The following PCDHGB4 variants were observed in gnomAD, a reference collection of about 807,000 sequenced individuals.
PCDHGB4 encodes the protein protocadherin gamma-B4.
In PCDHGB4, 38 loss-of-function variants were observed where a neutral mutation model predicts 60.5. The observed-to-expected ratio is 0.63, with a 90% CI of 0.48 to 0.82. The LOEUF (loss-of-function observed/expected upper bound fraction) is 0.82, where lower values mean the gene tolerates loss of function less well. Ranked by LOEUF, PCDHGB4 falls within the 40% of genes least tolerant of loss-of-function variation. The pLI, the probability that PCDHGB4 is intolerant of heterozygous loss-of-function variation, is 0.00. For missense variants in PCDHGB4, 1,109 were observed against 1,209.6 expected (o/e 0.92, Z 1.23); for synonymous variants, 456 against 509.7 (o/e 0.89, Z 1.42).
chr5:141,436,590 C>T (rs1050788291), intron 1 of PCDHGB4, among the ~76,000 whole-genome samples: 10 of 152,102 alleles, frequency 6.6e-5, no homozygotes, highest in East Asian at 1.9e-4. Context: ...TTTGAAAGGT[C>T]GTGGTGATGG....
At chr5:141,397,960 A>C in intron 1 of PCDHGB4, 2 of 1,021,904 alleles carry the variant, frequency 2.0e-6, no homozygotes, top group East Asian at 2.6e-5. Context: ...GCCCCAGCTC[A>C]GACTCCCCAG....
At chr5:141,429,845 T>C (rs888160645) in intron 1 of PCDHGB4, among the ~76,000 whole-genome samples, 4 of 152,222 alleles carry the variant, frequency 2.6e-5, no homozygotes, top group Non-Finnish European at 1.5e-5. Context: ...GGTAAGTCTG[T>C]AACATTCTTT....
At position 141,489,590 on chromosome 5, in the gene PCDHGB4, T is replaced by C; in HGVS notation, c.2398-5217T>C. The C allele has an allele frequency of 6.2e-7, 1 of 1,614,044 alleles. No homozygotes were observed. Among genetic ancestry groups the C allele is most frequent in the Non-Finnish European group, 8.5e-7 (1 of 1,179,984 alleles). ...GTGACTGAACACCCCCTGGAGCTAA[T>C]CCGTGTAGAGGTAGAGATCCTGGAT... On this transcript the variant is annotated intron_variant, in intron 1 of 3. Transcript: ENST00000519479. The surrounding 1 kb of genome is among the most constrained non-coding windows in gnomAD (Gnocchi z 4.5).
intron 1 of PCDHGB4, chr5:141,412,213 C>T (rs1467971455): frequency 6.6e-6 from 1 of 152,224 alleles, no homozygotes; most frequent in Non-Finnish European, 1.5e-5. Context: ...TTGACATAAA[C>T]ACTTACTTGT....
At chr5:141,423,495 C>T in intron 1 of PCDHGB4, 1 of 1,613,946 alleles carries the variant, frequency 6.2e-7, no homozygotes, top group African/African-American at 1.3e-5. Context: ...CCTATTCCCA[C>T]GAGGTCTCTC....
chr5:141,470,680 T>C (rs1212361233), intron 1 of PCDHGB4, among the ~76,000 whole-genome samples: 1 of 152,090 alleles, frequency 6.6e-6, no homozygotes, highest in Non-Finnish European at 1.5e-5. Context: ...GCTGTTACCA[T>C]CTTGAAATTC....
In PCDHGB4 at chr5:141,431,221, A is replaced by T; in HGVS notation, c.2397+40940A>T. 6.2e-7 allele frequency: 1 copy of T among 1,614,124 alleles called. No homozygotes were observed. The highest frequency in any genetic ancestry group is 8.5e-7 in the Non-Finnish European group (1 of 1,180,026). On this transcript the variant is annotated intron_variant, in intron 1 of 3. Transcript: ENST00000519479. The surrounding 1 kb of genome is among the most constrained non-coding windows in gnomAD (Gnocchi z 4.8). Reference sequence around the variant, plus strand: ...CAGCCACTGAGATGCGGTTCCCTCTACCCCACGCCTGGGATCCGGATATCG... The same window carrying T: ...CAGCCACTGAGATGCGGTTCCCTCTTCCCCACGCCTGGGATCCGGATATCG...
chr5:141,415,007 G>C, intron 1 of PCDHGB4: 1 of 1,613,654 alleles, frequency 6.2e-7, no homozygotes, highest in Non-Finnish European at 8.5e-7. Context: ...CTGTCCTACC[G>C]TCTGCTCAAG....
chr5:141,419,075 A>G, intron 1 of PCDHGB4: 1 of 1,613,968 alleles, frequency 6.2e-7, no homozygotes, highest in Non-Finnish European at 8.5e-7. Context: ...CAAGCTAGTA[A>G]CAGATGAGGC....
At chr5:141,395,992 T>G (rs915228194) in intron 1 of PCDHGB4, 3 of 152,184 alleles carry the variant, frequency 2.0e-5, no homozygotes, top group African/African-American at 7.2e-5. Context: ...TAAAATGTAA[T>G]TTTAAACTGT....
intron 3 of PCDHGB4, among the ~76,000 whole-genome samples, chr5:141,508,943 CAG>C (rs1562237475): frequency 1.3e-5 from 2 of 151,982 alleles, no homozygotes; most frequent in Admixed American, 6.6e-5. Context: ...TTAGGGAAAA[CAG>C]AGAAATGTCA....
chr5:141,474,325 C>A (rs540113771), intron 1 of PCDHGB4, among the ~76,000 whole-genome samples: 1 of 152,256 alleles, frequency 6.6e-6, no homozygotes, highest in Admixed American at 6.5e-5. Context: ...TTTCAAATCA[C>A]CCTGATGTTT....
intron 1 of PCDHGB4, among the ~76,000 whole-genome samples, chr5:141,402,210 TTAAAA>T (rs1240114840): frequency 6.6e-6 from 1 of 152,008 alleles, no homozygotes; most frequent in African/African-American, 2.4e-5. Context: ...ATACAAAAAT[TTAAAA>T]TAAACGTTTT....
At chr5:141,419,826 C>T in intron 1 of PCDHGB4, 1 of 1,614,066 alleles carries the variant, frequency 6.2e-7, no homozygotes, top group Non-Finnish European at 8.5e-7. Flanking sequence ...CCCCTTTCAG[C>T]CACTGCCACG....
At chr5:141,417,456 G>A (rs1354162154) in intron 1 of PCDHGB4, 1 of 177,626 alleles carries the variant, frequency 5.6e-6, no homozygotes, top group Non-Finnish European at 1.2e-5. Context: ...TTATGACCAA[G>A]TGGAAATATA....
Position 141,486,362 on chromosome 5 carries a change from C to A in PCDHGB4, c.2398-8445C>A. On this transcript the variant is annotated intron_variant, in intron 1 of 3. Coordinates refer to ENST00000519479, the MANE Select transcript of PCDHGB4 (RefSeq NM_003736.4). The surrounding 1 kb of genome is among the most constrained non-coding windows in gnomAD (Gnocchi z 5.0). ...CATTCCTGACCACTTGCCATTTGCC[C>A]TCAAGTCTGCCTTCAGGAACCAGTT... The A allele has an allele frequency of 6.2e-7, 1 of 1,614,132 alleles. No individual in the cohort carries two copies. The highest frequency in any genetic ancestry group is 1.7e-5 in the Admixed American group (1 of 60,024).
chr5:141,389,583 C>T lies in PCDHGB4; in HGVS notation c.1699C>T (p.Pro567Ser). ...APRVLYPALG[P>S]DGSALFDMVP... The stretch of plus-strand genomic sequence containing the variant: ...ACGGGTGCTGTACCCCGCGCTGGGT[C>T]CCGACGGCTCTGCGCTCTTCGATAT... Residue 567 changes from proline to serine, a missense_variant, in exon 1 of 4, where the codon CCC becomes TCC. This residue lies in a region of PCDHGB4 where 1,068 missense variants were observed against 1,089.9 expected (regional missense o/e 0.98). Transcript: ENST00000519479. 2 of 1,613,188 alleles carry T rather than the reference C, an allele frequency of 1.2e-6. No homozygotes were observed. Among genetic ancestry groups the T allele is most frequent in the Non-Finnish European group, 1.7e-6 (2 of 1,179,780 alleles).
intron 1 of PCDHGB4, chr5:141,430,844 A>C: frequency 6.4e-7 from 1 of 1,571,464 alleles, no homozygotes; most frequent in Non-Finnish European, 8.6e-7. Flanking sequence ...GACCGGATGC[A>C]CCCAGATACG....
At chr5:141,399,910 G>T in intron 1 of PCDHGB4, 1 of 1,612,438 alleles carries the variant, frequency 6.2e-7, no homozygotes, top group Non-Finnish European at 8.5e-7. Context: ...CGCAGACTCA[G>T]GACACAACGC....
Sources: allele counts gnomAD v4.1 joint callset (sites outside exome capture counted in the v4.1 genomes callset), GRCh38; gene constraint gnomAD v4.1.1; regional missense constraint gnomAD v4.1.1; non-coding constraint Gnocchi (gnomAD v3.1); transcripts MANE v1.5; gene names NCBI Gene and HGNC (gene_info 2026-07-23, HGNC 2026-07-21).